Variants in DCC observed in about 807,000 individuals in gnomAD.
The protein encoded by DCC is DCC netrin 1 receptor.
A neutral mutation model predicts 172.5 loss-of-function variants in DCC; 58 were observed. The observed-to-expected ratio is 0.34, with a 90% confidence interval of 0.27 to 0.42. The LOEUF (loss-of-function observed/expected upper bound fraction) is 0.42. Among genes scored for constraint, DCC ranks in the 10% least tolerant of loss-of-function variants. DCC has a pLI of 1.00. For missense variants in DCC, 1,740 were observed against 1,791.0 expected (o/e 0.97, Z 0.51); for synonymous variants, 709 against 644.5 (o/e 1.10, Z -1.52).
chr18:53,150,004 A>G (rs2043974679), intron 7 of DCC, among the ~76,000 whole-genome samples: 1 of 152,176 alleles, frequency 6.6e-6, no homozygotes, highest in Admixed American at 6.5e-5. Context: ...TGAAAGCATT[A>G]TTTCCCTTAG....
At chr18:53,221,580 G>A (rs1008895240) in intron 12 of DCC, among the ~76,000 whole-genome samples, 2 of 152,054 alleles carry the variant, frequency 1.3e-5, no homozygotes, top group African/African-American at 4.8e-5. Flanking sequence ...TAGATACTAA[G>A]TTTTAGTTTG....
At chr18:52,408,258 TG>T (rs1986722042) in intron 1 of DCC, among the ~76,000 whole-genome samples, 1 of 152,008 alleles carries the variant, frequency 6.6e-6, no homozygotes, top group Admixed American at 6.6e-5. Context: ...AGAACTGAAA[TG>T]AGATTAGATT....
At chr18:52,624,323 A>G (rs968713610) in intron 1 of DCC, among the ~76,000 whole-genome samples, 19 of 152,342 alleles carry the variant, frequency 1.2e-4, no homozygotes, top group African/African-American at 4.1e-4. Flanking sequence ...AGAGATTGTG[A>G]GTAAAATAGT....
intron 2 of DCC, among the ~76,000 whole-genome samples, chr18:52,814,037 G>T (rs779367331): frequency 1.4e-4 from 21 of 152,162 alleles, no homozygotes; most frequent in Non-Finnish European, 2.5e-4. Flanking sequence ...TAGCATGAAT[G>T]AATTCCTCAT....
At chr18:52,579,638 G>A (rs1257197802) in intron 1 of DCC, among the ~76,000 whole-genome samples, 1 of 152,152 alleles carries the variant, frequency 6.6e-6, no homozygotes, top group South Asian at 2.1e-4. Flanking sequence ...CAAGGCTCAA[G>A]GTTAAGAGCA....
At chr18:52,363,274 C>T (rs1280250980) in intron 1 of DCC, among the ~76,000 whole-genome samples, 1 of 152,204 alleles carries the variant, frequency 6.6e-6, no homozygotes, top group African/African-American at 2.4e-5. Context: ...TCAGCTCAGA[C>T]TAATTAATGA....
At chr18:53,174,595 T>G (rs1343854603) in intron 8 of DCC, among the ~76,000 whole-genome samples, 3 of 150,922 alleles carry the variant, frequency 2.0e-5, no homozygotes, top group South Asian at 2.1e-4. Flanking sequence ...ATAAATTCCT[T>G]GACACATACA....
Position 53,157,635 on chromosome 18 carries a change from T to C in DCC, c.1418+123T>C, listed in dbSNP as rs2054764910. On this transcript the variant is annotated intron_variant, in intron 8 of 28. Transcript: ENST00000442544. ...GAGAGGCTGTGAAATCTCTACTATG[T>C]CCTTCACTCATTCCCCAGTGGAGAT... 6.4e-6 allele frequency: 6 copies of C among 942,080 alleles called. No homozygotes were observed. In the Admixed American group the frequency reaches 1.2e-4, roughly 19 times the overall value. 58.4% of individuals were successfully genotyped at this position (942,080 alleles called of 1,614,324 possible). A position where few individuals can be genotyped will look rare whatever the true frequency, so the allele number is the denominator to read the frequency against.
intron 1 of DCC, among the ~76,000 whole-genome samples, chr18:52,672,910 T>G (rs1040057924): frequency 6.6e-6 from 1 of 152,088 alleles, no homozygotes; most frequent in East Asian, 1.9e-4. Context: ...CTAAAAAAAA[T>G]TAAATTAGCT....
intron 5 of DCC, among the ~76,000 whole-genome samples, chr18:52,952,765 C>T (rs971323935): frequency 3.0e-4 from 46 of 151,866 alleles, no homozygotes; most frequent in Non-Finnish European, 2.5e-4. Context: ...TTTGGGAGAT[C>T]GAAGTGGGAA....
intron 1 of DCC, among the ~76,000 whole-genome samples, chr18:52,568,972 C>T (rs2033230251): frequency 6.6e-6 from 1 of 152,060 alleles, no homozygotes; most frequent in Admixed American, 6.6e-5. Flanking sequence ...ATATATCTCC[C>T]ATTGATTGAG....
At chr18:52,711,533 T>C (rs1237937842) in intron 1 of DCC, among the ~76,000 whole-genome samples, 1 of 152,216 alleles carries the variant, frequency 6.6e-6, no homozygotes, top group Non-Finnish European at 1.5e-5. Flanking sequence ...GAGTCTGACC[T>C]CTAGTTTTTG....
intron 2 of DCC, among the ~76,000 whole-genome samples, chr18:52,807,037 A>G (rs2038098699): frequency 6.6e-6 from 1 of 152,114 alleles, no homozygotes; most frequent in Admixed American, 6.5e-5. Flanking sequence ...TACTAAACAC[A>G]AAAATTAGTT....
At chr18:52,671,301 G>C (rs938521058) in intron 1 of DCC, among the ~76,000 whole-genome samples, 2 of 152,132 alleles carry the variant, frequency 1.3e-5, no homozygotes, top group African/African-American at 4.8e-5. Context: ...ATGACTGAGT[G>C]TGTGACTGAT....
chr18:52,690,086 T>C (rs1460194), intron 1 of DCC, among the ~76,000 whole-genome samples: 150,905 of 152,248 alleles, frequency 0.99, 74,801 homozygotes, highest in East Asian at 1. Flanking sequence ...TAGCCCAGAC[T>C]GACAGCTTGA....
Position 52,783,323 on chromosome 18 carries a change from C to CTTTTTTT in DCC, c.412+30981_412+30987dup, listed in dbSNP as rs374129823. ...ACTAAAAATAATTTATACTACTACTCTTTTTTTTTTTTTTTTTTTTTTTTT... is the reference window on the plus strand; with the variant it reads ...ACTAAAAATAATTTATACTACTACTCTTTTTTTTTTTTTTTTTTTTTTTTTTTTTTTT... On this transcript the variant is annotated intron_variant, in intron 2 of 28. Coordinates refer to ENST00000442544, the MANE Select transcript of DCC (RefSeq NM_005215.4). 6.9e-3 allele frequency among the ~76,000 whole-genome samples: 407 copies of CTTTTTTT among 59,252 alleles called. 78 individuals carry two copies. Among genetic ancestry groups the CTTTTTTT allele is most frequent in the Non-Finnish European group, 7.7e-3 (270 of 35,228 alleles). 38.9% of individuals were successfully genotyped at this position (59,252 alleles called of 152,430 possible).
chr18:52,790,101 A>G (rs943224957), intron 2 of DCC, among the ~76,000 whole-genome samples: 1 of 152,184 alleles, frequency 6.6e-6, no homozygotes. Flanking sequence ...CTGACTTAGC[A>G]CAGGAAGATA....
At chr18:53,197,029 G>C (rs2144526654) in intron 9 of DCC, among the ~76,000 whole-genome samples, 1 of 151,960 alleles carries the variant, frequency 6.6e-6, no homozygotes, top group East Asian at 1.9e-4. Context: ...AGATTTCATA[G>C]AAATATCATT....
intron 28 of DCC, among the ~76,000 whole-genome samples, chr18:53,529,396 T>A (rs1395332389): frequency 6.6e-6 from 1 of 152,176 alleles, no homozygotes; most frequent in African/African-American, 2.4e-5. Flanking sequence ...CTAGAAATCA[T>A]GGCTCAGGCC....
Sources: gnomAD v4.1 joint callset for allele counts (sites outside exome capture counted in the v4.1 genomes callset) on GRCh38, gnomAD v4.1.1 for gene constraint, MANE v1.5 for transcripts, NCBI Gene and HGNC (gene_info 2026-07-23, HGNC 2026-07-21) for gene names.